Variants in PAK5 observed in about 807,000 individuals in gnomAD.
PAK5 encodes the protein p21 (RAC1) activated kinase 5.
Under a neutral mutation model 65.9 loss-of-function variants are expected in PAK5, and 16 were observed. That is an observed-to-expected ratio of 0.24 (90% CI 0.16 to 0.37). The LOEUF (loss-of-function observed/expected upper bound fraction) is 0.37. PAK5 is among the 10% of genes least tolerant of loss of function. The pLI is 1.00. For synonymous variants in PAK5, 371 were observed against 354.9 expected (o/e 1.05, Z -0.51); for missense variants, 785 against 903.9 (o/e 0.87, Z 1.69).
At chr20:9,560,810 C>T (rs1433472382) in intron 6 of PAK5, among the ~76,000 whole-genome samples, 1 of 152,226 alleles carries the variant, frequency 6.6e-6, no homozygotes, top group Non-Finnish European at 1.5e-5. Flanking sequence ...CTATAACCCT[C>T]TGTTTCCTGG....
chr20:9,641,707 C>G (rs1345224708), intron 3 of PAK5, among the ~76,000 whole-genome samples: 1 of 152,036 alleles, frequency 6.6e-6, no homozygotes, highest in Non-Finnish European at 1.5e-5. Context: ...TCAGGCATGG[C>G]GGGCTGCAGG....
chr20:9,592,732 C>A (rs1428174571), intron 3 of PAK5, among the ~76,000 whole-genome samples: 1 of 152,112 alleles, frequency 6.6e-6, no homozygotes, highest in African/African-American at 2.4e-5. Context: ...AGGTAGGTAG[C>A]AATGGGCACT....
At chr20:9,649,087 T>A (rs1302146521) in intron 2 of PAK5, among the ~76,000 whole-genome samples, 1 of 152,236 alleles carries the variant, frequency 6.6e-6, no homozygotes, top group African/African-American at 2.4e-5. Context: ...TACATAGGTT[T>A]AGAAGTAGGC....
intron 2 of PAK5, among the ~76,000 whole-genome samples, chr20:9,681,448 T>C (rs751429300): frequency 5.3e-5 from 8 of 152,168 alleles, no homozygotes; most frequent in Non-Finnish European, 1.0e-4. Context: ...CAACTTGTCC[T>C]ATCTTTATTT....
intron 2 of PAK5, among the ~76,000 whole-genome samples, chr20:9,669,819 C>G (rs1436466624): frequency 6.6e-6 from 1 of 151,910 alleles, no homozygotes; most frequent in Non-Finnish European, 1.5e-5. Context: ...ATGTGCACAA[C>G]GTGCAGGTTT....
At chr20:9,823,969 G>C (rs1023722135) in intron 1 of PAK5, among the ~76,000 whole-genome samples, 1 of 152,070 alleles carries the variant, frequency 6.6e-6, no homozygotes, top group Non-Finnish European at 1.5e-5. Context: ...CCATAAAATG[G>C]GAATAATGAT....
chr20:9,748,343 A>C (rs2048533116), intron 1 of PAK5, among the ~76,000 whole-genome samples: 1 of 152,200 alleles, frequency 6.6e-6, no homozygotes, highest in African/African-American at 2.4e-5. Context: ...ACTACTTTAA[A>C]GTTCATATGG....
At chr20:9,834,407 A>G (rs1978983105) in intron 1 of PAK5, among the ~76,000 whole-genome samples, 1 of 152,212 alleles carries the variant, frequency 6.6e-6, no homozygotes, top group Non-Finnish European at 1.5e-5. Context: ...AAATAAAACA[A>G]TTCAGGATTT....
At chr20:9,608,841 A>G in intron 3 of PAK5, among the ~76,000 whole-genome samples, 1 of 152,234 alleles carries the variant, frequency 6.6e-6, no homozygotes, top group South Asian at 2.1e-4. Context: ...TGACAGCCCT[A>G]ATAAATTAAA....
chr20:9,657,045 T>TATCAC (rs2047277644), intron 2 of PAK5, among the ~76,000 whole-genome samples: 2 of 152,314 alleles, frequency 1.3e-5, no homozygotes, highest in African/African-American at 4.8e-5. Flanking sequence ...TATGCCATTT[T>TATCAC]ATCACATGTA....
chr20:9,605,473 T>A (rs1385947799), intron 3 of PAK5, among the ~76,000 whole-genome samples: 2 of 152,204 alleles, frequency 1.3e-5, no homozygotes, highest in Non-Finnish European at 2.9e-5. Context: ...ATGCGAACTA[T>A]GGAAACCTCT....
At chr20:9,675,229 C>T (rs1329239744) in intron 2 of PAK5, among the ~76,000 whole-genome samples, 1 of 152,034 alleles carries the variant, frequency 6.6e-6, no homozygotes, top group African/African-American at 2.4e-5. Flanking sequence ...TAAAAAATGA[C>T]AAGTTATGAC....
intron 7 of PAK5, among the ~76,000 whole-genome samples, chr20:9,553,677 C>T (rs1259966186): frequency 6.6e-6 from 1 of 152,020 alleles, no homozygotes; most frequent in Non-Finnish European, 1.5e-5. Flanking sequence ...TCGTGTGTAT[C>T]AATTGTTTGT....
At chr20:9,832,611 G>C (rs1978816703) in intron 1 of PAK5, among the ~76,000 whole-genome samples, 1 of 152,104 alleles carries the variant, frequency 6.6e-6, no homozygotes, top group Non-Finnish European at 1.5e-5. Context: ...TCTGTAGGAA[G>C]CTTGTATTAT....
intron 2 of PAK5, among the ~76,000 whole-genome samples, chr20:9,688,629 T>G (rs548762632): frequency 6.6e-6 from 1 of 151,748 alleles, no homozygotes; most frequent in African/African-American, 2.4e-5. Flanking sequence ...CAGGAAACAT[T>G]GGTAATTCCT....
intron 3 of PAK5, among the ~76,000 whole-genome samples, chr20:9,619,880 A>G (rs1011233802): frequency 6.6e-6 from 1 of 152,066 alleles, no homozygotes; most frequent in East Asian, 1.9e-4. Context: ...GTGCTCTCAG[A>G]CAATCATCAG....
intron 3 of PAK5, among the ~76,000 whole-genome samples, chr20:9,641,252 T>G (rs1388271468): frequency 6.6e-5 from 10 of 151,310 alleles, no homozygotes; most frequent in East Asian, 3.9e-4. Context: ...TGCTGATTGG[T>G]GTGTTTACAA....
At chr20:9,556,669 T>A (rs181629582) in intron 7 of PAK5, among the ~76,000 whole-genome samples, 1 of 152,346 alleles carries the variant, frequency 6.6e-6, no homozygotes, top group African/African-American at 2.4e-5. Flanking sequence ...TTGGCTGTTA[T>A]ATTCCATGCT....
intron 1 of PAK5, among the ~76,000 whole-genome samples, chr20:9,713,364 C>A (rs938267664): frequency 1.5e-3 from 227 of 151,708 alleles, no homozygotes; most frequent in Non-Finnish European, 2.5e-3. Flanking sequence ...AAAAAAATAA[C>A]AAATGCTGGC....
Sources: gnomAD v4.1 joint callset for allele counts (sites outside exome capture counted in the v4.1 genomes callset) on GRCh38, gnomAD v4.1.1 for gene constraint, MANE v1.5 for transcripts, NCBI Gene and HGNC (gene_info 2026-07-23, HGNC 2026-07-21) for gene names.